PARP8: variants seen among roughly 807,000 people sequenced by gnomAD.
The protein encoded by PARP8 is protein mono-ADP-ribosyltransferase PARP8.
PARP8 carries 51 observed loss-of-function variants against 124.1 expected under a neutral mutation model. That is an observed-to-expected ratio of 0.41 (90% CI 0.33 to 0.52). The LOEUF is 0.52. PARP8 is among the 20% of genes least tolerant of loss of function. The probability of loss-of-function intolerance (pLI) is 0.21; values close to 1 mark genes in which losing one functional copy is unlikely to be tolerated. For synonymous variants in PARP8, 391 were observed against 361.5 expected, an observed-to-expected ratio of 1.08 and a Z score of -0.93; for missense variants, 860 against 1,018.9, an observed-to-expected ratio of 0.84 and a Z score of 2.12.
At chr5:50,667,927 G>T in intron 1 of PARP8, 144 bp from the exon 2 acceptor site, 11 of 1,535,736 alleles carry the variant, frequency 7.2e-6, no homozygotes, top group Non-Finnish European at 7.0e-6. Context: ...CGGACGCGGC[G>T]CAGAGGGACC....
At chr5:50,839,668 C>CTT (rs71577084) in intron 25 of PARP8, among the ~76,000 whole-genome samples, 3 of 132,846 alleles carry the variant, frequency 2.3e-5, no homozygotes, top group Non-Finnish European at 5.2e-5. Context: ...CTCTTTCTTT[C>CTT]TCTCTCTCTC....
intron 7 of PARP8, among the ~76,000 whole-genome samples, chr5:50,768,924 T>A (rs1761317144): frequency 6.6e-6 from 1 of 152,142 alleles, no homozygotes; most frequent in Non-Finnish European, 1.5e-5. Flanking sequence ...TTCTTTGAAA[T>A]CTGGCATACA....
chr5:50,702,427 G>C (rs1170384606), intron 2 of PARP8, among the ~76,000 whole-genome samples: 1 of 152,102 alleles, frequency 6.6e-6, no homozygotes, highest in Non-Finnish European at 1.5e-5. Flanking sequence ...CACCTGCCTG[G>C]AGAGTTGAAA....
intron 2 of PARP8, among the ~76,000 whole-genome samples, chr5:50,746,832 G>A (rs1758590825): frequency 6.6e-6 from 1 of 152,096 alleles, no homozygotes; most frequent in Non-Finnish European, 1.5e-5. Context: ...TTTGAGATCA[G>A]CCTGGGCAAT....
At chr5:50,835,823 A>G (rs1426543588) in intron 25 of PARP8, among the ~76,000 whole-genome samples, 1 of 152,022 alleles carries the variant, frequency 6.6e-6, no homozygotes, top group Non-Finnish European at 1.5e-5. Flanking sequence ...TAAAAGCATT[A>G]TTTTTCATTC....
At chr5:50,699,746 G>A (rs1159846333) in intron 2 of PARP8, among the ~76,000 whole-genome samples, 1 of 152,142 alleles carries the variant, frequency 6.6e-6, no homozygotes, top group Non-Finnish European at 1.5e-5. Context: ...GATCTGAGAT[G>A]GGCCAAGATG....
chr5:50,777,789 C>T (rs1740197887), intron 7 of PARP8, among the ~76,000 whole-genome samples: 1 of 152,052 alleles, frequency 6.6e-6, no homozygotes, highest in African/African-American at 2.4e-5. Context: ...ACTAATTTGC[C>T]ACAGAAAACG....
intron 14 of PARP8, among the ~76,000 whole-genome samples, chr5:50,813,732 C>T (rs151144156): frequency 0.064 from 9,706 of 152,038 alleles, 360 homozygotes; most frequent in South Asian, 0.18. Flanking sequence ...GTGGGTTTGT[C>T]ATAAATAGCT....
chr5:50,800,209 A>C (rs925597771), intron 14 of PARP8, among the ~76,000 whole-genome samples: 2 of 152,146 alleles, frequency 1.3e-5, no homozygotes, highest in African/African-American at 2.4e-5. Flanking sequence ...CTGTAAATTA[A>C]GTTGCTTTAT....
chr5:50,698,664 T>C (rs1753280365), intron 2 of PARP8, among the ~76,000 whole-genome samples: 1 of 152,036 alleles, frequency 6.6e-6, no homozygotes. Flanking sequence ...TTTATCCTGA[T>C]GAGATAGTAC....
rs186716661 is a variant in PARP8 at position 50,683,759 on chromosome 5, G to A, written c.146+15634G>A. Among the ~76,000 whole-genome samples, 1,393 of 152,004 alleles carry A rather than the reference G, an allele frequency of 9.2e-3. 30 individuals are homozygous for A. Among genetic ancestry groups the A allele is most frequent in the African/African-American group, 0.032 (1,327 of 41,438 alleles). On this transcript the variant is annotated intron_variant, in intron 2 of 25. Coordinates refer to ENST00000281631, the MANE Select transcript of PARP8 (RefSeq NM_024615.4). The stretch of plus-strand genomic sequence containing the variant: ...CCAAGAATAAACACAAGTTCTAATA[G>A]CAAACAGAAATAAACTCCCTACACA...
chr5:50,687,099 G>T (rs1372404551), intron 2 of PARP8, among the ~76,000 whole-genome samples: 1 of 152,100 alleles, frequency 6.6e-6, no homozygotes, highest in East Asian at 1.9e-4. Context: ...CAAATTTTCT[G>T]AACTTTTATG....
intron 2 of PARP8, among the ~76,000 whole-genome samples, chr5:50,710,845 T>G (rs2149489029): frequency 6.6e-6 from 1 of 152,280 alleles, no homozygotes; most frequent in Non-Finnish European, 1.5e-5. Flanking sequence ...TTTTTATATC[T>G]AACAGGTTCT....
At chr5:50,769,574 T>C (rs1761396369) in intron 7 of PARP8, among the ~76,000 whole-genome samples, 1 of 151,958 alleles carries the variant, frequency 6.6e-6, no homozygotes, top group Non-Finnish European at 1.5e-5. Flanking sequence ...AGAAGACAGA[T>C]GCACATAGAT....
At chr5:50,830,173 T>G (rs1746789335) in intron 22 of PARP8, among the ~76,000 whole-genome samples, 1 of 152,150 alleles carries the variant, frequency 6.6e-6, no homozygotes, top group African/African-American at 2.4e-5. Context: ...TTTCATCAAT[T>G]TAAAAAAATA....
At chr5:50,787,117 T>A (rs1192420040) in intron 9 of PARP8, among the ~76,000 whole-genome samples, 1 of 152,188 alleles carries the variant, frequency 6.6e-6, no homozygotes, top group African/African-American at 2.4e-5. Context: ...CTTCTTTTTT[T>A]TCATACCTCA....
rs1203631644 is a variant in PARP8 at position 50,843,326 on chromosome 5, A to G, written c.*1258A>G. ...AAGCAGTTTAATTAGTGAGTCTGCC[A>G]CTCTATTCAAACCCTGAATCAAGGC... On this transcript the variant is annotated 3_prime_UTR_variant, in exon 26 of 26. Coordinates refer to ENST00000281631, the MANE Select transcript of PARP8 (RefSeq NM_024615.4). 2 of 151,618 alleles carry G rather than the reference A, an allele frequency of 1.3e-5. No homozygotes were observed. Among genetic ancestry groups the G allele is most frequent in the African/African-American group, 4.8e-5 (2 of 41,320 alleles). 9.4% of individuals were successfully genotyped at this position (151,618 alleles called of 1,614,324 possible). A position where few individuals can be genotyped will look rare whatever the true frequency, so the allele number is the denominator to read the frequency against.
In PARP8 at chr5:50,795,417, T is replaced by C; in HGVS notation, c.1428T>C (p.Ala476=). The C allele has an allele frequency of 6.3e-7, 1 of 1,575,938 alleles. No individual in the cohort carries two copies. The highest frequency in any genetic ancestry group is 8.6e-7 in the Non-Finnish European group (1 of 1,165,568). Residue 476 remains alanine (A), a splice_region_variant and synonymous_variant, in exon 12 of 26, where the codon GCT becomes GCC. Transcript: ENST00000281631. Reference sequence around the variant, plus strand: ...CTTCATCTTCATCTTCTCAGCTTGCTGTGCGTAAATATTTTCATCTTGAGT... The same window carrying C: ...CTTCATCTTCATCTTCTCAGCTTGCCGTGCGTAAATATTTTCATCTTGAGT... ...TPSSSSSSQL[A]PNGAKCIPVR... is the part of the protein sequence containing the mutation.
At chr5:50,745,626 T>C (rs1206038910) in intron 2 of PARP8, among the ~76,000 whole-genome samples, 1 of 152,194 alleles carries the variant, frequency 6.6e-6, no homozygotes, top group East Asian at 1.9e-4. Context: ...GACAAAGGAA[T>C]GAATTAAGGC....
Sources: gnomAD v4.1 joint callset for allele counts (sites outside exome capture counted in the v4.1 genomes callset) on GRCh38, gnomAD v4.1.1 for gene constraint, MANE v1.5 for transcripts, NCBI Gene and HGNC (gene_info 2026-07-23, HGNC 2026-07-21) for gene names.